The following METTL24 variants were observed in gnomAD, a reference collection of about 807,000 sequenced individuals.
METTL24 encodes the protein methyltransferase like 24.
In METTL24, 29 loss-of-function variants were observed where a neutral mutation model predicts 32.7. The ratio of observed to expected loss-of-function variants is 0.89; its 90% CI spans 0.66 to 1.21. METTL24 has a LOEUF of 1.21. Among genes scored for constraint, METTL24 ranks in the 50% most tolerant of loss-of-function variants. The pLI is 0.00. For missense variants in METTL24, 439 were observed against 468.1 expected, an observed-to-expected ratio of 0.94 and a Z score of 0.57; for synonymous variants, 163 against 179.5, an observed-to-expected ratio of 0.91 and a Z score of 0.73.
intron 4 of METTL24, among the ~76,000 whole-genome samples, chr6:110,248,347 C>A (rs1778208793): frequency 6.6e-6 from 1 of 152,198 alleles, no homozygotes; most frequent in African/African-American, 2.4e-5. Context: ...TTACATATAA[C>A]AGCTACAAGA....
chr6:110,247,887 G>C (rs1016348361), intron 4 of METTL24, among the ~76,000 whole-genome samples: 1 of 152,132 alleles, frequency 6.6e-6, no homozygotes, highest in Non-Finnish European at 1.5e-5. Flanking sequence ...TTGGATGTTT[G>C]TCCCCTCCAA....
intron 3 of METTL24, among the ~76,000 whole-genome samples, chr6:110,313,865 G>A (rs988194964): frequency 7.2e-5 from 11 of 152,110 alleles, no homozygotes; most frequent in African/African-American, 2.7e-4. Flanking sequence ...CTTCTACATG[G>A]CAAGTATGTA....
At chr6:110,270,840 T>C (rs1025164905) in intron 4 of METTL24, among the ~76,000 whole-genome samples, 1 of 147,946 alleles carries the variant, frequency 6.8e-6, no homozygotes, top group Non-Finnish European at 1.5e-5. Context: ...CTTGATTCTT[T>C]TTTTTTTTTT....
chr6:110,265,169 GAAAGAAAGAAAGAAAGAAAGA>G (rs1770831322), intron 4 of METTL24, among the ~76,000 whole-genome samples: 1 of 148,864 alleles, frequency 6.7e-6, no homozygotes, highest in Admixed American at 6.7e-5. Context: ...AAGAAAGAAA[GAAAGAAAGAAAGAAAGAAAGA>G]AAGAAAGAAA....
chr6:110,265,069 C>G (rs985464930), intron 4 of METTL24, among the ~76,000 whole-genome samples: 3 of 150,052 alleles, frequency 2.0e-5, no homozygotes, highest in East Asian at 3.9e-4. Context: ...CATGTATACA[C>G]ATGTAACAAA....
In METTL24 at chr6:110,313,046, T is replaced by C. The variant is rs184417397; in HGVS notation, c.557+2296A>G. Among the ~76,000 whole-genome samples, 21 of 152,384 alleles carry C rather than the reference T, an allele frequency of 1.4e-4. No homozygotes were observed. The East Asian group carries it at 3.7e-3, about 27-fold the overall frequency. On this transcript the variant is annotated intron_variant, in intron 3 of 4. Transcript: ENST00000338882. ...GTTACAAAGTCATTTACTGGGCATA[T>C]GCCCTATGGAGAGGACATCCCCTGT...
At chr6:110,297,689 T>A (rs1253714729) in intron 4 of METTL24, among the ~76,000 whole-genome samples, 1 of 152,208 alleles carries the variant, frequency 6.6e-6, no homozygotes, top group Non-Finnish European at 1.5e-5. Context: ...TGAAAAATGC[T>A]TCTGCTTCTT....
Position 110,260,295 on chromosome 6 carries a change from G to A in METTL24, c.787-14035C>T, listed in dbSNP as rs185059549. Among the ~76,000 whole-genome samples the A allele has an allele frequency of 1.6e-3, 248 of 152,314 alleles. 2 individuals are homozygous for A. Among genetic ancestry groups the A allele is most frequent in the East Asian group, 5.6e-3 (29 of 5,186 alleles). ...AGGACCTGATGGAGCTGAAAACCAT[G>A]GCACGAGAACTACGTGATGAATGCA... On this transcript the variant is annotated intron_variant, in intron 4 of 4. Coordinates refer to ENST00000338882, the MANE Select transcript of METTL24 (RefSeq NM_001123364.3).
intron 1 of METTL24, among the ~76,000 whole-genome samples, chr6:110,333,204 G>A (rs149341818): frequency 2.0e-5 from 3 of 152,074 alleles, no homozygotes; most frequent in South Asian, 4.1e-4. Context: ...GCCCTGAGAC[G>A]TCAGTGTATT....
intron 4 of METTL24, among the ~76,000 whole-genome samples, chr6:110,293,574 T>G (rs1771358999): frequency 6.6e-6 from 1 of 152,020 alleles, no homozygotes; most frequent in Admixed American, 6.5e-5. Flanking sequence ...ACCTCTTTCT[T>G]AATTTATACT....
intron 3 of METTL24, among the ~76,000 whole-genome samples, chr6:110,300,053 A>G (rs1771492369): frequency 6.6e-6 from 1 of 152,212 alleles, no homozygotes; most frequent in Admixed American, 6.5e-5. Context: ...ATTCTCATAG[A>G]TTCTACAAGT....
intron 4 of METTL24, among the ~76,000 whole-genome samples, chr6:110,295,794 A>AAAGAAAGGAAGG (rs375674093): frequency 4.4e-5 from 6 of 136,322 alleles, no homozygotes; most frequent in African/African-American, 1.8e-4. Context: ...AGAAAGAAAG[A>AAAGAAAGGAAGG]AAGGAAGGAA....
chr6:110,280,325 G>A (rs947300729), intron 4 of METTL24, among the ~76,000 whole-genome samples: 1 of 152,066 alleles, frequency 6.6e-6, no homozygotes, highest in African/African-American at 2.4e-5. Flanking sequence ...GGCCCTTAAC[G>A]AATTATCTTG....
intron 4 of METTL24, among the ~76,000 whole-genome samples, chr6:110,285,232 G>T (rs1390418204): frequency 3.3e-5 from 5 of 152,198 alleles, no homozygotes; most frequent in Admixed American, 6.5e-5. Flanking sequence ...ATTTTAAAGA[G>T]AAGTTCTTGT....
At chr6:110,287,489 C>T (rs1771244898) in intron 4 of METTL24, among the ~76,000 whole-genome samples, 1 of 152,188 alleles carries the variant, frequency 6.6e-6, no homozygotes, top group Non-Finnish European at 1.5e-5. Flanking sequence ...AGACACCTCT[C>T]TTTGAAAAAG....
At chr6:110,332,549 T>G (rs548984193) in intron 1 of METTL24, 1 of 907,662 alleles carries the variant, frequency 1.1e-6, no homozygotes, top group African/African-American at 1.8e-5. Context: ...TGGGTTTCAT[T>G]GAGGTAGCAC....
In METTL24 at chr6:110,259,821, C is replaced by T. The variant is rs561715062; in HGVS notation, c.787-13561G>A. ...TGGCTGTTCACCAATAATCACTGTT[C>T]GGCAGCCTCCACTGTGGATACCCAG... On this transcript the variant is annotated intron_variant, in intron 4 of 4. Transcript: ENST00000338882. Among the ~76,000 whole-genome samples the T allele has an allele frequency of 4.6e-4, 70 of 152,258 alleles. No individual in the cohort carries two copies. In the South Asian group the frequency reaches 7.3e-3, roughly 16 times the overall value.
At chr6:110,286,090 T>C (rs1771215391) in intron 4 of METTL24, among the ~76,000 whole-genome samples, 1 of 152,140 alleles carries the variant, frequency 6.6e-6, no homozygotes, top group Admixed American at 6.6e-5. Context: ...CATTCTCCAG[T>C]GGCAAGGGTT....
intron 1 of METTL24, among the ~76,000 whole-genome samples, chr6:110,344,892 G>A (rs1449652383): frequency 6.6e-6 from 1 of 152,114 alleles, no homozygotes; most frequent in Non-Finnish European, 1.5e-5. Flanking sequence ...TGACAAAAAC[G>A]CCAAAAGCAA....
Sources: allele counts gnomAD v4.1 joint callset (sites outside exome capture counted in the v4.1 genomes callset), GRCh38; gene constraint gnomAD v4.1.1; transcripts MANE v1.5; gene names NCBI Gene and HGNC (gene_info 2026-07-23, HGNC 2026-07-21).